The following RANBP3 variants were observed in gnomAD, a reference collection of about 807,000 sequenced individuals.
The protein encoded by RANBP3 is ran-binding protein 3.
In RANBP3, 14 loss-of-function variants were observed where a neutral mutation model predicts 77.3. That is an observed-to-expected ratio of 0.18 (90% CI 0.12 to 0.28). The LOEUF is 0.28. RANBP3 is among the 10% of genes least tolerant of loss of function. The probability of loss-of-function intolerance (pLI) is 1.00; values close to 1 mark genes in which losing one functional copy is unlikely to be tolerated. For synonymous variants in RANBP3, 315 were observed against 312.4 expected, an observed-to-expected ratio of 1.01 and a Z score of -0.09; for missense variants, 586 against 752.3, an observed-to-expected ratio of 0.78 and a Z score of 2.59.
chr19:5,966,448 T>C (rs1467130517), intron 1 of RANBP3, among the ~76,000 whole-genome samples: 2 of 152,238 alleles, frequency 1.3e-5, no homozygotes, highest in Non-Finnish European at 2.9e-5. Flanking sequence ...TCTTCATCTG[T>C]CAAATGTTCG....
chr19:5,970,037 T>C (rs2058512660), intron 1 of RANBP3, among the ~76,000 whole-genome samples: 1 of 152,132 alleles, frequency 6.6e-6, no homozygotes, highest in African/African-American at 2.4e-5. Flanking sequence ...GAGACACTGG[T>C]CAAAATCTGG....
intron 8 of RANBP3, among the ~76,000 whole-genome samples, chr19:5,930,760 A>C (rs1485346590): frequency 6.6e-6 from 1 of 152,128 alleles, no homozygotes; most frequent in African/African-American, 2.4e-5. Flanking sequence ...GTAGAGACAG[A>C]GTCTTGCTAT....
At chr19:5,967,690 C>T (rs960656120) in intron 1 of RANBP3, among the ~76,000 whole-genome samples, 4 of 152,114 alleles carry the variant, frequency 2.6e-5, no homozygotes, top group African/African-American at 9.7e-5. Flanking sequence ...TGAACAGAAA[C>T]CCCATAAAGT....
At position 5,978,062 on chromosome 19, in the gene RANBP3, T is replaced by A; in HGVS notation, c.21A>T (p.Glu7Asp). MADLAN[E>D]EKPAIAPPVF... ...GGTCCCCAACGGCGCCTCCCCTACC[T>A]TCGTTCGCCAGGTCCGCCATTTTAC... The change falls in exon 1 of 17, where the codon GAA becomes GAT. Residue 7 changes from glutamate to aspartate, a missense_variant and splice_region_variant. Around this residue, in one of 5 missense-constraint regions of RANBP3, gnomAD observed 172 missense variants for 183.4 expected, o/e 0.94. Transcript: ENST00000340578. 1 of 1,610,780 alleles carries A rather than the reference T, an allele frequency of 6.2e-7. No individual in the cohort carries two copies. Among genetic ancestry groups the A allele is most frequent in the Non-Finnish European group, 8.5e-7 (1 of 1,178,722 alleles).
chr19:5,936,521 A>G (rs1052683459), intron 5 of RANBP3, among the ~76,000 whole-genome samples: 4 of 152,246 alleles, frequency 2.6e-5, no homozygotes, highest in Non-Finnish European at 5.9e-5. Flanking sequence ...CACCTGAGTC[A>G]GTGAGATCGC....
chr19:5,930,186 G>A (rs1464909457), intron 8 of RANBP3, among the ~76,000 whole-genome samples: 1 of 152,260 alleles, frequency 6.6e-6, no homozygotes, highest in Admixed American at 6.5e-5. Context: ...GATCTGCTCA[G>A]GAGACCTCAG....
intron 3 of RANBP3, among the ~76,000 whole-genome samples, chr19:5,942,239 T>G (rs1471716596): frequency 6.6e-6 from 1 of 152,152 alleles, no homozygotes; most frequent in African/African-American, 2.4e-5. Flanking sequence ...AATGGTCACA[T>G]CACACCGGAT....
intron 1 of RANBP3, among the ~76,000 whole-genome samples, chr19:5,973,845 G>T (rs1033042923): frequency 2.0e-5 from 3 of 152,332 alleles, no homozygotes; most frequent in Middle Eastern, 3.4e-3. Context: ...GGTGGGTGTG[G>T]TTACCATTAT....
intron 13 of RANBP3, among the ~76,000 whole-genome samples, chr19:5,922,837 G>A (rs978332068): frequency 1.3e-5 from 2 of 152,320 alleles, no homozygotes; most frequent in African/African-American, 2.4e-5. Context: ...CTACTCAGGC[G>A]ACTGAGGCAC....
chr19:5,966,954 C>T (rs1221267263), intron 1 of RANBP3, among the ~76,000 whole-genome samples: 2 of 152,232 alleles, frequency 1.3e-5, no homozygotes, highest in Non-Finnish European at 2.9e-5. Context: ...TAAAATGTGG[C>T]AACTCCTGTA....
intron 8 of RANBP3, among the ~76,000 whole-genome samples, chr19:5,928,690 C>T (rs2057947106): frequency 6.6e-6 from 1 of 152,112 alleles, no homozygotes; most frequent in Admixed American, 6.5e-5. Context: ...ACCCGGGAAC[C>T]TCTTAGCTGG....
At chr19:5,972,068 C>T (rs1286501720) in intron 1 of RANBP3, among the ~76,000 whole-genome samples, 2 of 152,232 alleles carry the variant, frequency 1.3e-5, no homozygotes, top group Non-Finnish European at 2.9e-5. Context: ...TAATTACAAA[C>T]AAAAACCTAA....
In RANBP3 at chr19:5,923,922, G is replaced by A; in HGVS notation, c.997-8C>T. 6.2e-7 allele frequency: 1 copy of A among 1,606,166 alleles called. No individual in the cohort carries two copies. Among genetic ancestry groups the A allele is most frequent in the Non-Finnish European group, 8.5e-7 (1 of 1,172,842 alleles). ...GTTTAATTTTGGGGGGCTCTGCAGG[G>A]ACACAAAAGCATACAAGGAAGAGGG... On this transcript the variant is annotated splice_polypyrimidine_tract_variant and splice_region_variant and intron_variant, in intron 11 of 16. Transcript: ENST00000340578.
At chr19:5,950,096 G>A (rs991560438) in intron 3 of RANBP3, among the ~76,000 whole-genome samples, 9 of 152,150 alleles carry the variant, frequency 5.9e-5, no homozygotes, top group African/African-American at 1.9e-4. Flanking sequence ...CAGAGGTGCA[G>A]TAACTCACCA....
rs2057757631 is a variant in RANBP3, at chr19:5,917,647, C to T, written c.1667G>A (p.Gly556Asp). 1 of 1,606,878 alleles carries T rather than the reference C, an allele frequency of 6.2e-7. No individual in the cohort carries two copies. Among genetic ancestry groups the T allele is most frequent in the Non-Finnish European group, 8.5e-7 (1 of 1,178,982 alleles). ...GGTCGTCTGCCCGTCCCCTTCGTCA[C>T]CAGCACCTGCAGGGAAGCAGCAGCC... ...APSGATAAGA[G>D]DEGDGQTTGS... The change falls in exon 17 of 17, where the codon GGT becomes GAT. Residue 556 changes from glycine (G) to aspartate (D), a missense_variant. By Grantham distance (94) the Gly-to-Asp change is moderately conservative (BLOSUM62 -1). This residue lies in a region of RANBP3 where 128 missense variants were observed against 157.0 expected (regional missense o/e 0.82). Transcript: ENST00000340578.
rs2058362952 is a variant in RANBP3 at position 5,958,579 on chromosome 19, G to A, written c.23-606C>T. On this transcript the variant is annotated intron_variant, in intron 1 of 16. Transcript: ENST00000340578. The surrounding 1 kb of genome is among the most constrained non-coding windows in gnomAD (Gnocchi z 4.4). ...GGTGTTCTGTCACTTGATGGGACAA[G>A]AGCAAGGCGGCCTGTAATGCCCACG... 6.6e-6 allele frequency among the ~76,000 whole-genome samples: 1 copy of A among 152,230 alleles called. No homozygotes were observed. Among genetic ancestry groups the A allele is most frequent in the Admixed American group, 6.5e-5 (1 of 15,288 alleles).
In RANBP3 at chr19:5,921,428, C is replaced by G; in HGVS notation, c.1210-107G>C. 2 of 1,470,874 alleles carry G rather than the reference C, an allele frequency of 1.4e-6. 1 individual carries two copies. Among genetic ancestry groups the G allele is most frequent in the South Asian group, 2.6e-5 (2 of 76,712 alleles). 91.1% of individuals were successfully genotyped at this position (1,470,874 alleles called of 1,614,324 possible). A position where few individuals can be genotyped will look rare whatever the true frequency, so the allele number is the denominator to read the frequency against. The stretch of plus-strand genomic sequence containing the variant: ...TGTGGGGACTGCCAGGGCCAGCCAA[C>G]GACGGCCTGGGGGCCACCTTGGTCA... On this transcript the variant is annotated intron_variant, in intron 13 of 16. Coordinates refer to ENST00000340578, the MANE Select transcript of RANBP3 (RefSeq NM_007322.3). The surrounding 1 kb of genome is among the most constrained non-coding windows in gnomAD (Gnocchi z 5.3).
At chr19:5,920,767 T>G in intron 14 of RANBP3, 1 of 153,002 alleles carries the variant, frequency 6.5e-6, no homozygotes, top group East Asian at 1.9e-4. Flanking sequence ...AGGCTGGTCT[T>G]GAACTCCTGA....
Position 5,921,440 on chromosome 19 carries a change from G to GGACTGCCAGGGCCA in RANBP3, c.1210-120_1210-119insTGGCCCTGGCAGTC. The GGACTGCCAGGGCCA allele has an allele frequency of 7.4e-7, 1 of 1,353,418 alleles. No individual in the cohort carries two copies. The highest frequency in any genetic ancestry group is 2.1e-5 in the Admixed American group (1 of 46,798). 83.8% of individuals were successfully genotyped at this position (1,353,418 alleles called of 1,614,324 possible). ...CAGGGCCAGCCAACGACGGCCTGGG[G>GGACTGCCAGGGCCA]GCCACCTTGGTCAGTTTTTTGTCCT... On this transcript the variant is annotated intron_variant, in intron 13 of 16. Transcript: ENST00000340578. This position sits in a 1 kb window ranked among gnomAD's most constrained non-coding sequence, Gnocchi z 5.3.
Sources: gnomAD v4.1 joint callset for allele counts (sites outside exome capture counted in the v4.1 genomes callset) on GRCh38, gnomAD v4.1.1 for gene constraint, gnomAD v4.1.1 regional missense constraint, Gnocchi (gnomAD v3.1) non-coding constraint, MANE v1.5 for transcripts, NCBI Gene and HGNC (gene_info 2026-07-23, HGNC 2026-07-21) for gene names.